The following CDH18 variants were observed in gnomAD, a reference collection of about 807,000 sequenced individuals.
The protein encoded by CDH18 is cadherin-18.
A neutral mutation model predicts 67.9 loss-of-function variants in CDH18; 31 were observed. That is an observed-to-expected ratio of 0.46 (90% CI 0.34 to 0.62). The LOEUF (loss-of-function observed/expected upper bound fraction) is 0.62, where lower values mean the gene tolerates loss of function less well. Ranked by LOEUF, CDH18 falls within the 20% of genes least tolerant of loss-of-function variation. The pLI, the probability that CDH18 is intolerant of heterozygous loss-of-function variation, is 0.01. For missense variants in CDH18, 890 were observed against 975.5 expected (o/e 0.91, Z 1.17); for synonymous variants, 362 against 347.2 (o/e 1.04, Z -0.48).
chr5:20,528,010 G>C (rs1756172127), intron 1 of CDH18, among the ~76,000 whole-genome samples: 1 of 152,056 alleles, frequency 6.6e-6, no homozygotes. Flanking sequence ...CTGTATTCAA[G>C]AGACGTGTCT....
At chr5:19,818,816 G>A (rs756418726) in intron 3 of CDH18, among the ~76,000 whole-genome samples, 9 of 152,096 alleles carry the variant, frequency 5.9e-5, no homozygotes, top group Non-Finnish European at 1.2e-4. Context: ...TTCCATAGTT[G>A]ACTGAAATGT....
At chr5:20,081,574 A>G (rs1744478781) in intron 2 of CDH18, among the ~76,000 whole-genome samples, 1 of 152,228 alleles carries the variant, frequency 6.6e-6, no homozygotes, top group Non-Finnish European at 1.5e-5. Context: ...TAGACTGAAT[A>G]AAGAAAATAT....
chr5:19,750,658 C>T (rs1048514276), intron 3 of CDH18, among the ~76,000 whole-genome samples: 2 of 151,766 alleles, frequency 1.3e-5, no homozygotes, highest in African/African-American at 2.4e-5. Flanking sequence ...ACAAGCTTAG[C>T]TAACCACTAT....
chr5:20,093,453 T>C (rs1745620545), intron 2 of CDH18, among the ~76,000 whole-genome samples: 1 of 151,984 alleles, frequency 6.6e-6, no homozygotes, highest in Admixed American at 6.6e-5. Flanking sequence ...ATGGATTCAG[T>C]GGTTTAGAAG....
chr5:20,553,852 C>T (rs1362231594), intron 1 of CDH18, among the ~76,000 whole-genome samples: 2 of 150,938 alleles, frequency 1.3e-5, no homozygotes, highest in Non-Finnish European at 3.0e-5. Context: ...CTCTAGACCA[C>T]AAAAAAAAAT....
chr5:19,841,433 C>A (rs920238548), intron 2 of CDH18, among the ~76,000 whole-genome samples: 2 of 151,862 alleles, frequency 1.3e-5, no homozygotes, highest in Non-Finnish European at 2.9e-5. Context: ...TTCAGTCTCA[C>A]TGCCCTCATT....
At chr5:20,135,887 T>A (rs1749671654) in intron 2 of CDH18, among the ~76,000 whole-genome samples, 1 of 152,220 alleles carries the variant, frequency 6.6e-6, no homozygotes, top group East Asian at 1.9e-4. Flanking sequence ...TCAGTTTCCA[T>A]GTAGTTGTGC....
At chr5:19,877,279 T>A (rs1787122330) in intron 2 of CDH18, among the ~76,000 whole-genome samples, 1 of 152,132 alleles carries the variant, frequency 6.6e-6, no homozygotes, top group African/African-American at 2.4e-5. Context: ...TTATTCAACA[T>A]TGTGAAGGCA....
intron 1 of CDH18, among the ~76,000 whole-genome samples, chr5:20,458,544 G>T (rs957983251): frequency 9.2e-5 from 14 of 152,114 alleles, no homozygotes; most frequent in African/African-American, 3.1e-4. Context: ...CTTCAACCCA[G>T]GAGACCGAGT....
intron 2 of CDH18, among the ~76,000 whole-genome samples, chr5:20,072,490 T>C (rs1743566160): frequency 6.6e-6 from 1 of 151,962 alleles, no homozygotes; most frequent in South Asian, 2.1e-4. Context: ...ACAACTGAAA[T>C]GGACTTCACA....
chr5:20,252,314 G>A (rs1179289779), intron 2 of CDH18, among the ~76,000 whole-genome samples: 2 of 151,716 alleles, frequency 1.3e-5, no homozygotes, highest in Non-Finnish European at 2.9e-5. Context: ...TCACGCCACT[G>A]CACTCCAGCC....
At chr5:20,203,833 A>G (rs1415181996) in intron 2 of CDH18, among the ~76,000 whole-genome samples, 3 of 152,072 alleles carry the variant, frequency 2.0e-5, no homozygotes, top group African/African-American at 4.8e-5. Flanking sequence ...AATAATTTAA[A>G]ATAGCTGTTT....
intron 4 of CDH18, among the ~76,000 whole-genome samples, chr5:19,737,936 GTTA>G (rs1768571950): frequency 6.6e-6 from 1 of 151,942 alleles, no homozygotes; most frequent in African/African-American, 2.4e-5. Context: ...AACATAAATT[GTTA>G]TTATTAGGAT....
Position 20,376,090 on chromosome 5 carries a change from A to ATTTTTTTTTTTTTTTT in CDH18, c.-579-120586_-579-120585insAAAAAAAAAAAAAAAA, listed in dbSNP as rs1562014136. ...AACAGTAAGCAATTTAAAAAGAAAC[A>ATTTTTTTTTTTTTTTT]ATTTTTTTTTTTTTTTTTTTTGAGA... On this transcript the variant is annotated intron_variant, in intron 1 of 14. Transcript: ENST00000507958. Among the ~76,000 whole-genome samples the ATTTTTTTTTTTTTTTT allele has an allele frequency of 1.2e-3, 20 of 16,898 alleles. 1 individual carries two copies. In the East Asian group the frequency reaches 0.026, roughly 22 times the overall value. The allele number at this position is 16,898 out of a possible 152,430, so 11.1% of individuals were successfully genotyped here.
intron 1 of CDH18, among the ~76,000 whole-genome samples, chr5:20,341,506 A>G (rs1433348497): frequency 6.7e-6 from 1 of 148,660 alleles, no homozygotes. Flanking sequence ...TCCTTTGTAT[A>G]TATAAAGGAA....
chr5:19,698,218 C>T (rs1330950908), intron 5 of CDH18, among the ~76,000 whole-genome samples: 2 of 151,996 alleles, frequency 1.3e-5, no homozygotes, highest in African/African-American at 4.8e-5. Context: ...TAATGTTCTC[C>T]CCTGATTTTA....
At chr5:20,180,188 A>G (rs1737572669) in intron 2 of CDH18, among the ~76,000 whole-genome samples, 1 of 152,058 alleles carries the variant, frequency 6.6e-6, no homozygotes. Flanking sequence ...GCAGATGTTC[A>G]TAGCTCTGGG....
At chr5:20,200,917 T>C (rs1032006067) in intron 2 of CDH18, among the ~76,000 whole-genome samples, 1 of 152,086 alleles carries the variant, frequency 6.6e-6, no homozygotes, top group African/African-American at 2.4e-5. Context: ...AACTAAAAAA[T>C]CACTCCTTTT....
intron 9 of CDH18, among the ~76,000 whole-genome samples, chr5:19,536,904 C>A (rs551968023): frequency 1.3e-5 from 2 of 152,220 alleles, no homozygotes; most frequent in East Asian, 3.9e-4. Flanking sequence ...GGGTATGGCA[C>A]TCGAGGTGAT....
Sources: gnomAD v4.1 joint callset for allele counts (sites outside exome capture counted in the v4.1 genomes callset) on GRCh38, gnomAD v4.1.1 for gene constraint, MANE v1.5 for transcripts, NCBI Gene and HGNC (gene_info 2026-07-23, HGNC 2026-07-21) for gene names.